The following ANKRD34C variants were observed in gnomAD, a reference collection of about 807,000 sequenced individuals.
ANKRD34C encodes the protein ankyrin repeat domain-containing protein 34C.
For missense variants in ANKRD34C, 563 were observed against 653.0 expected (o/e 0.86, Z 1.50); for synonymous variants, 260 against 253.6 (o/e 1.03, Z -0.24).
At position 79,297,743 on chromosome 15, in the gene ANKRD34C, C is replaced by T. The variant is rs2058675750; in HGVS notation, c.*2851C>T. On this transcript the variant is annotated 3_prime_UTR_variant, in exon 2 of 2. Coordinates refer to ENST00000421388, the MANE Select transcript of ANKRD34C (RefSeq NM_001146341.2). ...CGCAATTTTGTCCATGTCAATGAAC[C>T]TAACAAGAATGCTTTTTAAAAGTAT... 1 of 167,022 alleles carries T rather than the reference C, an allele frequency of 6.0e-6. No homozygotes were observed. The highest frequency in any genetic ancestry group is 1.5e-5 in the Non-Finnish European group (1 of 68,120). 10.3% of individuals were successfully genotyped at this position (167,022 alleles called of 1,614,324 possible). A position where few individuals can be genotyped will look rare whatever the true frequency, so the allele number is the denominator to read the frequency against.
intron 1 of ANKRD34C, among the ~76,000 whole-genome samples, chr15:79,284,103 C>G (rs563615325): frequency 6.6e-6 from 1 of 152,284 alleles, no homozygotes; most frequent in Non-Finnish European, 1.5e-5. Flanking sequence ...TTACCATGTG[C>G]CAAGGCCCCG....
At chr15:79,287,168 T>G (rs11853142) in intron 1 of ANKRD34C, among the ~76,000 whole-genome samples, 29,446 of 152,132 alleles carry the variant, frequency 0.19, 3,357 homozygotes, top group East Asian at 0.44. Context: ...AGTTATGTCA[T>G]GTAGAGGCTA....
At chr15:79,285,467 G>A (rs1337333633) in intron 1 of ANKRD34C, among the ~76,000 whole-genome samples, 1 of 152,156 alleles carries the variant, frequency 6.6e-6, no homozygotes, top group African/African-American at 2.4e-5. Context: ...GTTCACATGA[G>A]CAAACCATAC....
At position 79,295,152 on chromosome 15, in the gene ANKRD34C, G is replaced by A. The variant is rs1015634785; in HGVS notation, c.*260G>A. 10 of 445,000 alleles carry A rather than the reference G, an allele frequency of 2.2e-5. No individual in the cohort carries two copies. The Admixed American group carries it at 3.7e-4, about 16-fold the overall frequency. 27.6% of individuals were successfully genotyped at this position (445,000 alleles called of 1,614,324 possible). ...TTGGAATTTGAAGGTAACACAGCAA[G>A]TACAATGATGTAAGCTGGGGACATC... On this transcript the variant is annotated 3_prime_UTR_variant, in exon 2 of 2. Transcript: ENST00000421388.
At chr15:79,283,803 T>C (rs535981193) in intron 1 of ANKRD34C, 1 of 152,340 alleles carries the variant, frequency 6.6e-6, no homozygotes, top group African/African-American at 2.4e-5. Context: ...AGGCGCACAG[T>C]GAGCGTGGAA....
At chr15:79,283,740 G>C (rs552869017) in intron 1 of ANKRD34C, 1 of 152,176 alleles carries the variant, frequency 6.6e-6, no homozygotes. Flanking sequence ...CTGCCGGCGC[G>C]GCCGGAGCCC....
rs453781 is a variant in ANKRD34C at position 79,295,950 on chromosome 15, G to C, written c.*1058G>C. ...GTTTCTTCTCTTCCTGATCTATCTA[G>C]GTGAGAAGAGATTTGTAGAAATAAC... is the stretch of plus-strand genomic sequence containing the variant. On this transcript the variant is annotated 3_prime_UTR_variant, in exon 2 of 2. Transcript: ENST00000421388. 1 of 167,010 alleles carries C rather than the reference G, an allele frequency of 6.0e-6. No individual in the cohort carries two copies. The highest frequency in any genetic ancestry group is 1.5e-5 in the Non-Finnish European group (1 of 68,116). 10.3% of individuals were successfully genotyped at this position (167,010 alleles called of 1,614,324 possible).
Position 79,294,986 on chromosome 15 carries a change from C to A in ANKRD34C, c.*94C>A. The stretch of plus-strand genomic sequence containing the variant: ...ATCATTCCTTAATGTTGAACTGTGG[C>A]CACTTCAGAAGATATAAAAGCAGGA... On this transcript the variant is annotated 3_prime_UTR_variant, in exon 2 of 2. Coordinates refer to ENST00000421388, the MANE Select transcript of ANKRD34C (RefSeq NM_001146341.2). The A allele has an allele frequency of 7.7e-7, 1 of 1,303,542 alleles. No individual in the cohort carries two copies. The highest frequency in any genetic ancestry group is 1.0e-6 in the Non-Finnish European group (1 of 967,844). 80.7% of individuals were successfully genotyped at this position (1,303,542 alleles called of 1,614,324 possible).
rs772285559 is a variant in ANKRD34C, at chr15:79,294,764, A to C, written c.1480A>C (p.Met494Leu). The C allele has an allele frequency of 1.6e-5, 25 of 1,551,742 alleles. No homozygotes were observed. Among genetic ancestry groups the C allele is most frequent in the Non-Finnish European group, 2.2e-5 (25 of 1,147,002 alleles). The change falls in exon 2 of 2, where the codon ATG becomes CTG. Residue 494 changes from methionine to leucine, a missense_variant. By Grantham distance (15) the Met-to-Leu change is conservative (BLOSUM62 2). Coordinates refer to ENST00000421388, the MANE Select transcript of ANKRD34C (RefSeq NM_001146341.2). ...SCSLASGLKS[M>L]VPVAPSSPKR... ...CTCTCTTGCTAGTGGCTTAAAATCTATGGTTCCTGTTGCTCCAAGTTCACC... is the reference window on the plus strand; with the variant it reads ...CTCTCTTGCTAGTGGCTTAAAATCTCTGGTTCCTGTTGCTCCAAGTTCACC...
rs1282512714 is a variant in ANKRD34C at position 79,294,037 on chromosome 15, G to A, written c.753G>A (p.Gln251=). 5.2e-6 allele frequency: 8 copies of A among 1,551,570 alleles called. No homozygotes were observed. The highest frequency in any genetic ancestry group is 7.0e-6 in the Non-Finnish European group (8 of 1,147,010). The change falls in exon 2 of 2, where the codon CAG becomes CAA. Residue 251 remains glutamine, a synonymous_variant. Transcript: ENST00000421388. ...GTTTGCCTCAACTGAAGAGGCTCCA[G>A]TCTGAACCTTGGGGCCTGATAGCGC... is the stretch of plus-strand genomic sequence containing the variant. ...RARLPQLKRL[Q]SEPWGLIAPS... is the part of the protein sequence containing the mutation.
intron 1 of ANKRD34C, among the ~76,000 whole-genome samples, chr15:79,286,223 G>T (rs1297465610): frequency 6.6e-6 from 1 of 151,494 alleles, no homozygotes; most frequent in Non-Finnish European, 1.5e-5. Flanking sequence ...TGATGGTGGG[G>T]GTGGAGTGGG....
chr15:79,292,728 T>C (rs749490752), intron 1 of ANKRD34C, among the ~76,000 whole-genome samples: 49 of 152,228 alleles, frequency 3.2e-4, no homozygotes, highest in Admixed American at 7.2e-4. Context: ...GATTGACATT[T>C]TGGTGTGTTT....
rs1268893103 is a variant in ANKRD34C, at chr15:79,293,445, C to G, written c.161C>G (p.Thr54Ser). The stretch of plus-strand genomic sequence containing the variant: ...ACAGCTCTCATGGTGGCGTGCATCA[C>G]CAAACATGTGGACCAGCAAAGCATC... The part of the protein sequence containing the change: ...GETALMVACI[T>S]KHVDQQSISK... Residue 54 changes from threonine to serine, a missense_variant, in exon 2 of 2, where the codon ACC becomes AGC. By Grantham distance (58) the Thr-to-Ser change is moderately conservative. Coordinates refer to ENST00000421388, the MANE Select transcript of ANKRD34C (RefSeq NM_001146341.2). The G allele has an allele frequency of 1.3e-6, 2 of 1,551,664 alleles. No individual in the cohort carries two copies. The highest frequency in any genetic ancestry group is 1.7e-6 in the Non-Finnish European group (2 of 1,146,982).
At chr15:79,284,930 T>C (rs914710555) in intron 1 of ANKRD34C, among the ~76,000 whole-genome samples, 2 of 152,232 alleles carry the variant, frequency 1.3e-5, no homozygotes, top group African/African-American at 4.8e-5. Context: ...CTAAAGTGTA[T>C]TTAGACAAGT....
At position 79,293,548 on chromosome 15, in the gene ANKRD34C, C is replaced by T. The variant is rs778701368; in HGVS notation, c.264C>T (p.Ala88=). ...PNIQDKSGKT[A]LIHACIRRAG... ...TCCAAGATAAGTCTGGCAAGACTGCCCTCATCCATGCCTGTATCAGAAGAG... is the reference window on the plus strand; with the variant it reads ...TCCAAGATAAGTCTGGCAAGACTGCTCTCATCCATGCCTGTATCAGAAGAG... Residue 88 remains alanine, a synonymous_variant, in exon 2 of 2, where the codon GCC becomes GCT. Transcript: ENST00000421388. The T allele has an allele frequency of 2.7e-5, 42 of 1,551,508 alleles. No homozygotes were observed. In the Middle Eastern group the frequency reaches 5.0e-4, roughly 18 times the overall value.
At chr15:79,293,042 G>T (rs958778841) in intron 1 of ANKRD34C, among the ~76,000 whole-genome samples, 199 bp from the exon 2 acceptor site, 1 of 152,138 alleles carries the variant, frequency 6.6e-6, no homozygotes, top group African/African-American at 2.4e-5. Flanking sequence ...TATGAGGTAG[G>T]TTACTACTAT....
chr15:79,294,533 C>G lies in ANKRD34C; in HGVS notation c.1249C>G (p.His417Asp). Residue 417 changes from histidine to aspartate, a missense_variant, in exon 2 of 2, where the codon CAT (histidine) becomes GAT (aspartate). Transcript: ENST00000421388. ...CAACAGCTCTCACTTGTCTCTTTTC[C>G]ATGGCTCTCGGGAGTCCCTGGACAC... is the stretch of plus-strand genomic sequence containing the variant. ...KLNSSHLSLF[H>D]GSRESLDTVP... 1 of 1,551,696 alleles carries G rather than the reference C, an allele frequency of 6.4e-7. No individual in the cohort carries two copies.
At chr15:79,290,647 A>G (rs990511020) in intron 1 of ANKRD34C, among the ~76,000 whole-genome samples, 6 of 152,218 alleles carry the variant, frequency 3.9e-5, no homozygotes, top group Admixed American at 2.0e-4. Context: ...TAAGACAGCA[A>G]ACTTGGAAGC....
rs771705811 is a variant in ANKRD34C, at chr15:79,295,651, G to T, written c.*759G>T. ...ACACAGGCTCTTGTATTGAAATCTTGTGAAAAACAGTCAAGGTTAACTAAC... is the reference window on the plus strand; with the variant it reads ...ACACAGGCTCTTGTATTGAAATCTTTTGAAAAACAGTCAAGGTTAACTAAC... On this transcript the variant is annotated 3_prime_UTR_variant, in exon 2 of 2. Coordinates refer to ENST00000421388, the MANE Select transcript of ANKRD34C (RefSeq NM_001146341.2). The T allele has an allele frequency of 3.1e-4, 52 of 167,136 alleles. 1 individual carries two copies. Among genetic ancestry groups the T allele is most frequent in the African/African-American group, 1.1e-3 (47 of 41,550 alleles). 10.4% of individuals were successfully genotyped at this position (167,136 alleles called of 1,614,324 possible).
Sources: gnomAD v4.1 joint callset for allele counts (sites outside exome capture counted in the v4.1 genomes callset) on GRCh38, gnomAD v4.1.1 for gene constraint, MANE v1.5 for transcripts, NCBI Gene and HGNC (gene_info 2026-07-23, HGNC 2026-07-21) for gene names.